BCAS3: variants seen among roughly 807,000 people sequenced by gnomAD.
The protein encoded by BCAS3 is BCAS3 microtubule associated cell migration factor, also known as BCAS4/BCAS3 fusion.
BCAS3 carries 53 observed loss-of-function variants against 116.1 expected under a neutral mutation model. The observed-to-expected ratio is 0.46, with a 90% CI of 0.37 to 0.57. BCAS3 has a LOEUF of 0.57. Among genes scored for constraint, BCAS3 ranks in the 20% least tolerant of loss-of-function variants. The pLI, the probability that BCAS3 is intolerant of heterozygous loss-of-function variation, is 0.00. For synonymous variants in BCAS3, 391 were observed against 408.2 expected (o/e 0.96, Z 0.51); for missense variants, 917 against 1,165.4 (o/e 0.79, Z 3.10).
intron 22 of BCAS3, among the ~76,000 whole-genome samples, chr17:61,264,797 C>T (rs1001567241): frequency 6.6e-6 from 1 of 152,142 alleles, no homozygotes; most frequent in Non-Finnish European, 1.5e-5. Flanking sequence ...AGGCAGGAGA[C>T]ATGAGAATGG....
intron 9 of BCAS3, among the ~76,000 whole-genome samples, chr17:60,878,401 G>A (rs1049071896): frequency 6.6e-6 from 1 of 152,038 alleles, no homozygotes; most frequent in African/African-American, 2.4e-5. Flanking sequence ...GGACTGAAAG[G>A]GAGTGTAAGA....
At chr17:61,201,480 C>T (rs747983400) in intron 22 of BCAS3, among the ~76,000 whole-genome samples, 4 of 152,172 alleles carry the variant, frequency 2.6e-5, no homozygotes, top group Non-Finnish European at 5.9e-5. Flanking sequence ...AGCTAAATAT[C>T]CAAAGTTTGA....
chr17:61,295,249 G>A (rs373228352), intron 22 of BCAS3, among the ~76,000 whole-genome samples: 2 of 152,174 alleles, frequency 1.3e-5, no homozygotes, highest in African/African-American at 4.8e-5. Flanking sequence ...GATTACTAGG[G>A]AGCCTGGGCA....
At chr17:61,039,409 A>G (rs1259565774) in intron 18 of BCAS3, among the ~76,000 whole-genome samples, 1 of 151,962 alleles carries the variant, frequency 6.6e-6, no homozygotes, top group African/African-American at 2.4e-5. Context: ...ATTCATGTAC[A>G]GATTCTTGTG....
At chr17:61,027,197 A>C in intron 16 of BCAS3, 1 of 444,804 alleles carries the variant, frequency 2.2e-6, no homozygotes, top group Non-Finnish European at 4.0e-6. Flanking sequence ...ATTACAAGAC[A>C]AGGCTAACAC....
chr17:61,266,002 G>A (rs1041462738), intron 22 of BCAS3, among the ~76,000 whole-genome samples: 4 of 152,072 alleles, frequency 2.6e-5, no homozygotes, highest in Admixed American at 1.3e-4. Flanking sequence ...CTTCCTGTTT[G>A]GTTATTGTTT....
intron 5 of BCAS3, among the ~76,000 whole-genome samples, chr17:60,711,916 C>T (rs750314986): frequency 6.6e-6 from 1 of 151,922 alleles, no homozygotes; most frequent in Non-Finnish European, 1.5e-5. Flanking sequence ...AATCCCAGTA[C>T]TTTGGGAGGC....
intron 17 of BCAS3, among the ~76,000 whole-genome samples, chr17:61,035,268 A>G (rs2066927619): frequency 6.6e-6 from 1 of 152,144 alleles, no homozygotes; most frequent in African/African-American, 2.4e-5. Context: ...TTCACATTAA[A>G]AAAATCAACT....
At chr17:60,734,556 A>G (rs1343797421) in intron 5 of BCAS3, among the ~76,000 whole-genome samples, 5 of 152,202 alleles carry the variant, frequency 3.3e-5, no homozygotes, top group Non-Finnish European at 5.9e-5. Flanking sequence ...GTGGGTGTCC[A>G]GTTTTTTCAG....
chr17:61,096,121 T>G (rs2143628415), intron 22 of BCAS3, among the ~76,000 whole-genome samples: 1 of 152,282 alleles, frequency 6.6e-6, no homozygotes, highest in Admixed American at 6.5e-5. Context: ...CCTCAGCCTC[T>G]GAGTAGCTGA....
In BCAS3 at chr17:61,366,004, A is replaced by G. The variant is rs2058708257; in HGVS notation, c.2426-2323A>G. ...CTAAAAACACAAAAATTAGCCAGGCATGATGGCACATGCTTGTAGTCCCAG... is the reference window on the plus strand; with the variant it reads ...CTAAAAACACAAAAATTAGCCAGGCGTGATGGCACATGCTTGTAGTCCCAG... On this transcript the variant is annotated intron_variant, in intron 22 of 23. Coordinates refer to ENST00000407086, the MANE Select transcript of BCAS3 (RefSeq NM_017679.5). The surrounding 1 kb of genome is among the most constrained non-coding windows in gnomAD (Gnocchi z 4.5). Among the ~76,000 whole-genome samples the G allele has an allele frequency of 6.6e-6, 1 of 152,102 alleles. No homozygotes were observed. Among genetic ancestry groups the G allele is most frequent in the Admixed American group, 6.5e-5 (1 of 15,270 alleles).
intron 19 of BCAS3, among the ~76,000 whole-genome samples, chr17:61,043,220 C>A (rs2067691894): frequency 6.6e-6 from 1 of 151,742 alleles, no homozygotes; most frequent in African/African-American, 2.4e-5. Flanking sequence ...ACAAAAAAAT[C>A]ACCCAGGTGT....
At chr17:60,986,861 T>G (rs535046469) in intron 14 of BCAS3, 1 of 152,278 alleles carries the variant, frequency 6.6e-6, no homozygotes, top group Admixed American at 6.5e-5. Context: ...CTATTTTTGC[T>G]TTGGCTGTCT....
Position 61,196,503 on chromosome 17 carries a change from CAA to C in BCAS3, c.2425+111944_2425+111945del, listed in dbSNP as rs1189350354. ...ATATGCTTTCTCAAGCCCACAAAAA[CAA>C]AAAACCCCAACCCAACAGCTGGGAA... is the stretch of plus-strand genomic sequence containing the variant. On this transcript the variant is annotated intron_variant, in intron 22 of 23. Coordinates refer to ENST00000407086, the MANE Select transcript of BCAS3 (RefSeq NM_017679.5). The surrounding 1 kb of genome is among the most constrained non-coding windows in gnomAD (Gnocchi z 4.7). Among the ~76,000 whole-genome samples the C allele has an allele frequency of 6.6e-6, 1 of 152,294 alleles. No individual in the cohort carries two copies. Among genetic ancestry groups the C allele is most frequent in the African/African-American group, 2.4e-5 (1 of 41,582 alleles).
intron 5 of BCAS3, among the ~76,000 whole-genome samples, chr17:60,717,968 A>C (rs966910665): frequency 6.6e-6 from 1 of 152,230 alleles, no homozygotes; most frequent in Non-Finnish European, 1.5e-5. Context: ...GTGACAGATC[A>C]TCAGACATTA....
At position 61,231,884 on chromosome 17, in the gene BCAS3, AAAAG is replaced by A. The variant is rs1383953875; in HGVS notation, c.2426-136437_2426-136434del. ...GACCCTGTCTCAAAAAAAAAAAAAA[AAAAG>A]AAAGAGAAAGAAGGAAACAAAGAAA... On this transcript the variant is annotated intron_variant, in intron 22 of 23. Transcript: ENST00000407086. Among the ~76,000 whole-genome samples, 1,042 of 150,512 alleles carry A rather than the reference AAAAG, an allele frequency of 6.9e-3. 14 individuals carry two copies. Among genetic ancestry groups the A allele is most frequent in the African/African-American group, 0.025 (1,002 of 40,894 alleles).
intron 6 of BCAS3, among the ~76,000 whole-genome samples, chr17:60,763,682 C>T (rs1268844015): frequency 1.3e-5 from 2 of 152,092 alleles, no homozygotes; most frequent in African/African-American, 4.8e-5. Flanking sequence ...CTCTGCCAGG[C>T]TTTGGTATCA....
At position 61,200,438 on chromosome 17, in the gene BCAS3, A is replaced by G. The variant is rs2080752029; in HGVS notation, c.2425+115874A>G. On this transcript the variant is annotated intron_variant, in intron 22 of 23. Transcript: ENST00000407086. This position sits in a 1 kb window ranked among gnomAD's most constrained non-coding sequence, Gnocchi z 5.1. ...ATAGCAACTTGGTAAAGGAGAGATTATTATTCTTATTTCATAATAAAGGAA... is the reference window on the plus strand; with the variant it reads ...ATAGCAACTTGGTAAAGGAGAGATTGTTATTCTTATTTCATAATAAAGGAA... Among the ~76,000 whole-genome samples the G allele has an allele frequency of 6.6e-6, 1 of 152,218 alleles. No individual in the cohort carries two copies. Among genetic ancestry groups the G allele is most frequent in the Non-Finnish European group, 1.5e-5 (1 of 68,042 alleles).
chr17:60,738,994 A>T (rs1303340498), intron 5 of BCAS3, among the ~76,000 whole-genome samples: 6 of 151,390 alleles, frequency 4.0e-5, no homozygotes, highest in Non-Finnish European at 7.4e-5. Flanking sequence ...ATTTTATATG[A>T]TGTTGTTTCT....
Sources: gnomAD v4.1 joint callset for allele counts (sites outside exome capture counted in the v4.1 genomes callset) on GRCh38, gnomAD v4.1.1 for gene constraint, Gnocchi (gnomAD v3.1) non-coding constraint, MANE v1.5 for transcripts, NCBI Gene and HGNC (gene_info 2026-07-23, HGNC 2026-07-21) for gene names.